The following EFHD1 variants were observed in gnomAD, a reference collection of about 807,000 sequenced individuals.
The protein encoded by EFHD1 is EF-hand domain family member D1.
EFHD1 carries 10 observed loss-of-function variants against 17.2 expected under a neutral mutation model. The ratio of observed to expected loss-of-function variants is 0.58; its 90% CI spans 0.36 to 0.99. The LOEUF (loss-of-function observed/expected upper bound fraction) is 0.99, where lower values mean the gene tolerates loss of function less well. Ranked by LOEUF, EFHD1 falls within the 50% of genes least tolerant of loss-of-function variation. EFHD1 has a pLI of 0.01. For synonymous variants in EFHD1, 153 were observed against 142.0 expected (o/e 1.08, Z -0.55); for missense variants, 310 against 327.5 (o/e 0.95, Z 0.41).
intron 1 of EFHD1, among the ~76,000 whole-genome samples, chr2:232,623,287 C>G (rs1694050408): frequency 6.6e-6 from 1 of 152,160 alleles, no homozygotes; most frequent in South Asian, 2.1e-4. Context: ...CACAATCCAT[C>G]CTCCCACTTC....
At chr2:232,629,471 TTTTTC>T (rs888814484), upstream of EFHD1, among the ~76,000 whole-genome samples, 1 of 152,204 alleles carries the variant, frequency 6.6e-6, no homozygotes, top group Non-Finnish European at 1.5e-5. Flanking sequence ...TGAGATTTTC[TTTTTC>T]TTTTTTTTTT....
chr2:232,630,404 C>T (rs535349893), upstream of EFHD1, among the ~76,000 whole-genome samples: 11 of 152,240 alleles, frequency 7.2e-5, no homozygotes, highest in African/African-American at 2.6e-4. Flanking sequence ...CCAGGTGTTG[C>T]CTGGTGAATA....
chr2:232,623,684 AAAAAAAAAAAGAAGAAG>A (rs1435945301), intron 1 of EFHD1, among the ~76,000 whole-genome samples: 1 of 123,080 alleles, frequency 8.1e-6, no homozygotes, highest in Non-Finnish European at 1.7e-5. Flanking sequence ...AAAAAAAAAA[AAAAAAAAAAAGAAGAAG>A]AAGAAGAAGA....
In EFHD1 at chr2:232,658,049, C is replaced by T. The variant is rs559548084; in HGVS notation, c.303-4753C>T. Among the ~76,000 whole-genome samples, 6 of 151,306 alleles carry T rather than the reference C, an allele frequency of 4.0e-5. No homozygotes were observed. In the South Asian group the frequency reaches 6.3e-4, roughly 16 times the overall value. ...CTGAGTAGCTGAGATTACAGGCATG[C>T]GCCACCATGCCTGGCTAATTTTTTT... is the stretch of plus-strand genomic sequence containing the variant. On this transcript the variant is annotated intron_variant, in intron 1 of 3. Coordinates refer to ENST00000264059, the MANE Select transcript of EFHD1 (RefSeq NM_025202.4).
intron 1 of EFHD1, chr2:232,661,660 A>G (rs1182985414): frequency 1.5e-5 from 2 of 133,390 alleles, no homozygotes; most frequent in African/African-American, 5.6e-5. Context: ...TCCGCCTCCC[A>G]GTAGCTCTCC....
Position 232,682,533 on chromosome 2 carries a change from G to A in EFHD1, c.*814G>A, listed in dbSNP as rs1695310153. The A allele has an allele frequency of 6.6e-6, 1 of 152,188 alleles. No individual in the cohort carries two copies. The highest frequency in any genetic ancestry group is 6.5e-5 in the Admixed American group (1 of 15,268). The allele number at this position is 152,188 out of a possible 1,614,324, so 9.4% of individuals were successfully genotyped here. On this transcript the variant is annotated 3_prime_UTR_variant, in exon 4 of 4. Transcript: ENST00000264059. ...TACAGTAGACCGCTGACGTTCCCAA[G>A]TGACAGATCCAGGGCCTTTCAAACA...
chr2:232,645,417 C>G (rs1694510070), intron 1 of EFHD1, among the ~76,000 whole-genome samples: 2 of 152,294 alleles, frequency 1.3e-5, no homozygotes, highest in South Asian at 2.1e-4. Context: ...TCTCCACCCC[C>G]AGGTTTCCCC....
At chr2:232,630,880 AT>A (rs909597220), upstream of EFHD1, among the ~76,000 whole-genome samples, 1 of 152,112 alleles carries the variant, frequency 6.6e-6, no homozygotes, top group Non-Finnish European at 1.5e-5. Context: ...GAGCTGTTAG[AT>A]TTTTTTAACA....
At chr2:232,619,586 G>A (rs78303320) in intron 1 of EFHD1, among the ~76,000 whole-genome samples, 14,170 of 152,106 alleles carry the variant, frequency 0.093, 909 homozygotes, top group East Asian at 0.24. Context: ...CTGGAATTAC[G>A]GGTGTGAGCC....
chr2:232,677,728 AAAG>A (rs994294223), intron 3 of EFHD1, among the ~76,000 whole-genome samples: 15 of 151,940 alleles, frequency 9.9e-5, no homozygotes, highest in African/African-American at 3.6e-4. Flanking sequence ...GTCTCAAAAA[AAAG>A]ACATTTAGAA....
At chr2:232,660,533 A>G (rs1167026595) in intron 1 of EFHD1, among the ~76,000 whole-genome samples, 3 of 151,940 alleles carry the variant, frequency 2.0e-5, no homozygotes, top group South Asian at 4.2e-4. Context: ...GTCTCACTAC[A>G]TTGCCCAGGC....
rs370778385 is a variant in EFHD1, at chr2:232,633,970, G to A, written c.266G>A (p.Arg89His). 1 of 1,597,402 alleles carries A rather than the reference G, an allele frequency of 6.3e-7. No individual in the cohort carries two copies. The highest frequency in any genetic ancestry group is 8.5e-7 in the Non-Finnish European group (1 of 1,179,124). The change falls in exon 1 of 4, where the codon CGC becomes CAC. Residue 89 changes from arginine to histidine, a missense_variant. Arg to His is a conservative substitution (Grantham distance 29, BLOSUM62 0). Transcript: ENST00000264059. Reference protein sequence around the residue: ...NPYTEFPEFSRRLIKDLESMF... With the variant: ...NPYTEFPEFSHRLIKDLESMF... ...TACACGGAGTTCCCGGAGTTCAGCC[G>A]CCGCCTCATCAAGGACCTGGAGAGC... is the stretch of plus-strand genomic sequence containing the variant.
At chr2:232,632,189 A>G (rs1261028761), upstream of EFHD1, among the ~76,000 whole-genome samples, 1 of 152,202 alleles carries the variant, frequency 6.6e-6, no homozygotes, top group Admixed American at 6.5e-5. Flanking sequence ...CAGGGTTGCC[A>G]TTGTATATGT....
chr2:232,620,910 A>AG (rs1425786582), intron 1 of EFHD1, among the ~76,000 whole-genome samples: 1 of 152,090 alleles, frequency 6.6e-6, no homozygotes, highest in Non-Finnish European at 1.5e-5. Flanking sequence ...GGAGGTGTGG[A>AG]CACATCTGCT....
intron 1 of EFHD1, among the ~76,000 whole-genome samples, chr2:232,625,405 G>T (rs994832098): frequency 5.9e-5 from 9 of 151,862 alleles, no homozygotes; most frequent in Admixed American, 4.6e-4. Context: ...CTCCCAAAGT[G>T]CAGGGCAAGC....
chr2:232,667,400 C>T (rs747599672), intron 2 of EFHD1, among the ~76,000 whole-genome samples: 3 of 152,058 alleles, frequency 2.0e-5, no homozygotes, highest in Non-Finnish European at 2.9e-5. Flanking sequence ...TTCTACCATG[C>T]GGACCGGCAT....
intron 1 of EFHD1, among the ~76,000 whole-genome samples, chr2:232,642,327 T>C (rs1694447014): frequency 7.0e-6 from 1 of 142,220 alleles, no homozygotes; most frequent in Admixed American, 7.6e-5. Context: ...TGAGCCAAGA[T>C]TGCACCACTG....
At chr2:232,679,846 CTGAT>C (rs1695244590) in intron 3 of EFHD1, among the ~76,000 whole-genome samples, 1 of 151,874 alleles carries the variant, frequency 6.6e-6, no homozygotes, top group African/African-American at 2.4e-5. Flanking sequence ...TTTTGGCTAT[CTGAT>C]TGGCAAAAAG....
chr2:232,622,493 A>C, intron 1 of EFHD1, among the ~76,000 whole-genome samples: 1 of 151,470 alleles, frequency 6.6e-6, no homozygotes. Flanking sequence ...GTGGGGGGGA[A>C]GACATCTGGG....
Sources: allele counts gnomAD v4.1 joint callset (sites outside exome capture counted in the v4.1 genomes callset), GRCh38; gene constraint gnomAD v4.1.1; transcripts MANE v1.5; gene names NCBI Gene and HGNC (gene_info 2026-07-23, HGNC 2026-07-21).